Variants in RNGTT observed in about 807,000 individuals in gnomAD.
RNGTT encodes the protein mRNA-capping enzyme.
Under a neutral mutation model 79.3 loss-of-function variants are expected in RNGTT, and 33 were observed. That is an observed-to-expected ratio of 0.42 (90% CI 0.32 to 0.56). The LOEUF is 0.56. Among genes scored for constraint, RNGTT ranks in the 20% least tolerant of loss-of-function variants. The pLI, the probability that RNGTT is intolerant of heterozygous loss-of-function variation, is 0.17. For missense variants in RNGTT, 497 were observed against 739.1 expected (o/e 0.67, Z 3.80); for synonymous variants, 222 against 235.9 (o/e 0.94, Z 0.54).
chr6:88,724,069 G>A (rs759068866), intron 13 of RNGTT, among the ~76,000 whole-genome samples: 1 of 151,948 alleles, frequency 6.6e-6, no homozygotes, highest in Non-Finnish European at 1.5e-5. Context: ...GAGTCAAAAG[G>A]TTTAAAAAAA....
At chr6:88,759,505 A>G (rs1480404808) in intron 13 of RNGTT, among the ~76,000 whole-genome samples, 1 of 152,208 alleles carries the variant, frequency 6.6e-6, no homozygotes, top group African/African-American at 2.4e-5. Context: ...TGTGTATCAC[A>G]TATTACATAC....
At chr6:88,937,536 TTTAG>T (rs1460480405) in intron 2 of RNGTT, among the ~76,000 whole-genome samples, 2 of 152,158 alleles carry the variant, frequency 1.3e-5, no homozygotes, top group Non-Finnish European at 2.9e-5. Context: ...TATTTTTTTT[TTTAG>T]TGTCTATTTT....
chr6:88,808,070 G>A (rs913643825), intron 11 of RNGTT, among the ~76,000 whole-genome samples: 3 of 152,060 alleles, frequency 2.0e-5, no homozygotes, highest in Non-Finnish European at 4.4e-5. Context: ...AAATTTTCAG[G>A]TAGAAGGAAT....
chr6:88,751,990 ATAGAG>A (rs1193644087), intron 13 of RNGTT, among the ~76,000 whole-genome samples: 3 of 152,120 alleles, frequency 2.0e-5, no homozygotes, highest in African/African-American at 4.8e-5. Context: ...TACACAAAGA[ATAGAG>A]TAACCTCTTC....
intron 13 of RNGTT, among the ~76,000 whole-genome samples, chr6:88,715,623 G>C (rs1385973786): frequency 6.6e-6 from 1 of 152,104 alleles, no homozygotes; most frequent in African/African-American, 2.4e-5. Context: ...CAGAGAAATA[G>C]ACCAATGGAA....
chr6:88,778,140 T>G (rs913737469), intron 12 of RNGTT, among the ~76,000 whole-genome samples: 6 of 152,198 alleles, frequency 3.9e-5, no homozygotes, highest in South Asian at 2.1e-4. Flanking sequence ...GGGATAAATC[T>G]CACTTGGGGA....
At chr6:88,684,731 T>C (rs2127792649) in intron 13 of RNGTT, among the ~76,000 whole-genome samples, 1 of 152,234 alleles carries the variant, frequency 6.6e-6, no homozygotes, top group South Asian at 2.1e-4. Context: ...TCATTATACA[T>C]TTGTCAAAAC....
chr6:88,661,268 C>G (rs1582293487), intron 14 of RNGTT, among the ~76,000 whole-genome samples: 1 of 152,064 alleles, frequency 6.6e-6, no homozygotes, highest in East Asian at 1.9e-4. Context: ...ACTAGAGAAA[C>G]AACAACAAAC....
intron 11 of RNGTT, among the ~76,000 whole-genome samples, chr6:88,811,252 T>C (rs1239146397): frequency 6.6e-6 from 1 of 152,204 alleles, no homozygotes; most frequent in East Asian, 1.9e-4. Context: ...CGAAGATAAT[T>C]GGATGAAAAG....
At chr6:88,963,083 C>G (rs937991341) in intron 1 of RNGTT, among the ~76,000 whole-genome samples, 2 of 151,594 alleles carry the variant, frequency 1.3e-5, no homozygotes, top group African/African-American at 4.8e-5. Flanking sequence ...ATTCCTGGAT[C>G]CTCACCTCCT....
At chr6:88,628,353 C>A (rs2127768221) in intron 14 of RNGTT, among the ~76,000 whole-genome samples, 1 of 152,144 alleles carries the variant, frequency 6.6e-6, no homozygotes, top group Middle Eastern at 3.4e-3. Context: ...AAACTCCAAG[C>A]AGGAAACTTT....
intron 13 of RNGTT, among the ~76,000 whole-genome samples, chr6:88,725,139 G>T (rs896810433): frequency 6.6e-6 from 1 of 152,190 alleles, no homozygotes; most frequent in Non-Finnish European, 1.5e-5. Context: ...GGCTGGCCGG[G>T]GATTACATTC....
At chr6:88,800,261 TTATATA>T in intron 12 of RNGTT, among the ~76,000 whole-genome samples, 1 of 152,186 alleles carries the variant, frequency 6.6e-6, no homozygotes, top group Non-Finnish European at 1.5e-5. Flanking sequence ...AATATCTGCA[TTATATA>T]TACTTAACAG....
At chr6:88,857,652 A>C (rs778721265) in intron 8 of RNGTT, among the ~76,000 whole-genome samples, 2 of 152,212 alleles carry the variant, frequency 1.3e-5, no homozygotes, top group Non-Finnish European at 2.9e-5. Flanking sequence ...ATTCATTAAT[A>C]TGGAAAGAGA....
chr6:88,887,601 A>G (rs1782909552), intron 8 of RNGTT, among the ~76,000 whole-genome samples: 1 of 152,212 alleles, frequency 6.6e-6, no homozygotes, highest in African/African-American at 2.4e-5. Flanking sequence ...TATTTCCATT[A>G]GCAATCAAAA....
chr6:88,725,140 G>T (rs1029499006), intron 13 of RNGTT, among the ~76,000 whole-genome samples: 7 of 152,208 alleles, frequency 4.6e-5, no homozygotes, highest in Non-Finnish European at 8.8e-5. Context: ...GCTGGCCGGG[G>T]ATTACATTCC....
intron 13 of RNGTT, among the ~76,000 whole-genome samples, chr6:88,683,950 G>T (rs1775182847): frequency 6.6e-6 from 1 of 151,272 alleles, no homozygotes; most frequent in Non-Finnish European, 1.5e-5. Flanking sequence ...ATGAGTTAAA[G>T]GTTACAGTGA....
intron 12 of RNGTT, among the ~76,000 whole-genome samples, chr6:88,791,143 T>G (rs914132381): frequency 2.8e-5 from 3 of 108,328 alleles, no homozygotes; most frequent in African/African-American, 6.7e-5. Flanking sequence ...CAAGTACCTT[T>G]TTTTTTTTTT....
At chr6:88,918,527 A>G (rs933422041) in intron 4 of RNGTT, among the ~76,000 whole-genome samples, 1 of 152,196 alleles carries the variant, frequency 6.6e-6, no homozygotes, top group Non-Finnish European at 1.5e-5. Flanking sequence ...CAGGCTCAGG[A>G]CAAGAACCTA....
Sources: gnomAD v4.1 joint callset for allele counts (sites outside exome capture counted in the v4.1 genomes callset) on GRCh38, gnomAD v4.1.1 for gene constraint, MANE v1.5 for transcripts, NCBI Gene and HGNC (gene_info 2026-07-23, HGNC 2026-07-21) for gene names.